The following NLGN3 variants were observed in gnomAD, a reference collection of about 807,000 sequenced individuals.
NLGN3 encodes the protein neuroligin 3.
NLGN3 carries 11 observed loss-of-function variants against 42.9 expected under a neutral mutation model. The observed-to-expected ratio is 0.26, with a 90% CI of 0.16 to 0.42. The LOEUF is 0.42. Ranked by LOEUF, NLGN3 falls within the 10% of genes least tolerant of loss-of-function variation. The pLI is 1.00. For missense variants in NLGN3, 374 were observed against 733.8 expected, an observed-to-expected ratio of 0.51 and a Z score of 5.67; for synonymous variants, 279 against 312.7, an observed-to-expected ratio of 0.89 and a Z score of 1.14.
Position 71,171,077 on chromosome X carries a change from GTT to G in NLGN3, c.*994_*995del, listed in dbSNP as rs767429618. 17 of 643,905 alleles carry G rather than the reference GTT, an allele frequency of 2.6e-5. No homozygotes were observed. The highest frequency in any genetic ancestry group is 1.6e-4 in the South Asian group (2 of 12,350). The allele number at this position is 643,905 out of a possible 1,213,427, so 53.1% of individuals were successfully genotyped here. A position where few individuals can be genotyped will look rare whatever the true frequency, so the allele number is the denominator to read the frequency against. On this transcript the variant is annotated 3_prime_UTR_variant, in exon 8 of 8. Transcript: ENST00000358741. Reference sequence around the variant, plus strand: ...AAGGCGGTGTTTTTTGTTGTTGTTGGTTTTTTTTTTTTTTTAAAGAAAAGTTC... The same window carrying G: ...AAGGCGGTGTTTTTTGTTGTTGTTGGTTTTTTTTTTTTTAAAGAAAAGTTC...
rs1189138453 is a variant in NLGN3 at position 71,154,686 on chromosome X, C to T, written c.578-528C>T. Reference sequence around the variant, plus strand: ...TTCACTCCCCTTTCCCACATCCTTCCTTGTTCTCTCCCTGTGCCACCCCTT... The same window carrying T: ...TTCACTCCCCTTTCCCACATCCTTCTTTGTTCTCTCCCTGTGCCACCCCTT... On this transcript the variant is annotated intron_variant, in intron 4 of 7. Coordinates refer to ENST00000358741, the MANE Select transcript of NLGN3 (RefSeq NM_181303.2). 2.1e-4 allele frequency among the ~76,000 whole-genome samples: 23 copies of T among 112,041 alleles called. No individual in the cohort carries two copies. The Admixed American group carries it at 2.1e-3, about 10-fold the overall frequency.
chrX:71,149,632 G>A (rs1285723696), intron 3 of NLGN3, among the ~76,000 whole-genome samples: 2 of 111,983 alleles, frequency 1.8e-5, no homozygotes, highest in South Asian at 3.7e-4. Flanking sequence ...CTCTGGAAGC[G>A]TCTAAGGCAG....
At position 71,148,112 on chromosome X, in the gene NLGN3, C is replaced by G; in HGVS notation, c.363C>G (p.Val121=). ...HTAVPEVMLP[V]WFTANLDIVA... ...CTGTGCCCGAAGTCATGCTGCCGGT[C>G]TGGTTCACTGCCAACTTGGATATCG... Residue 121 remains valine, a synonymous_variant, in exon 2 of 8, where the codon GTC becomes GTG. Coordinates refer to ENST00000358741, the MANE Select transcript of NLGN3 (RefSeq NM_181303.2). The G allele has an allele frequency of 3.3e-6, 4 of 1,210,867 alleles. No homozygotes were observed. The highest frequency in any genetic ancestry group is 4.5e-6 in the Non-Finnish European group (4 of 894,987).
chrX:71,171,190 T>C lies in NLGN3; in HGVS notation c.*1093T>C, dbSNP rs1857279033. 2.7e-6 allele frequency: 2 copies of C among 753,479 alleles called. No homozygotes were observed. The highest frequency in any genetic ancestry group is 3.1e-6 in the Non-Finnish European group (2 of 639,022). 62.1% of individuals were successfully genotyped at this position (753,479 alleles called of 1,213,427 possible). The stretch of plus-strand genomic sequence containing the variant: ...TTGATATAAAAATAAAAAATCCAGT[T>C]AGCACTCCCAACCTGCCTCCCTTGC... On this transcript the variant is annotated 3_prime_UTR_variant, in exon 8 of 8. Coordinates refer to ENST00000358741, the MANE Select transcript of NLGN3 (RefSeq NM_181303.2).
At chrX:71,156,360 A>G (rs1026657534) in intron 5 of NLGN3, among the ~76,000 whole-genome samples, 36 of 108,892 alleles carry the variant, frequency 3.3e-4, no homozygotes, top group African/African-American at 1.0e-3. Context: ...CCCTACACAC[A>G]TATACTCTTA....
At chrX:71,158,840 G>A (rs867553543) in intron 5 of NLGN3, among the ~76,000 whole-genome samples, 9 of 111,649 alleles carry the variant, frequency 8.1e-5, no homozygotes, top group African/African-American at 2.6e-4. Flanking sequence ...TGAGCATTCC[G>A]TATGATATCC....
chrX:71,170,835 G>A lies in NLGN3; in HGVS notation c.*738G>A. On this transcript the variant is annotated 3_prime_UTR_variant, in exon 8 of 8. Transcript: ENST00000358741. The stretch of plus-strand genomic sequence containing the variant: ...TCTCTCTGTGTCCGTGTGGAGGGCT[G>A]CAGAGCCTGCAGGGTGACCTGCTTC... 1.3e-6 allele frequency: 1 copy of A among 756,277 alleles called. No individual in the cohort carries two copies. The highest frequency in any genetic ancestry group is 1.6e-6 in the Non-Finnish European group (1 of 640,380). 62.3% of individuals were successfully genotyped at this position (756,277 alleles called of 1,213,427 possible).
At chrX:71,168,721 CA>C (rs60203125) in intron 7 of NLGN3, among the ~76,000 whole-genome samples, 61 of 17,405 alleles carry the variant, frequency 3.5e-3, no homozygotes, top group African/African-American at 8.8e-3. Context: ...GACTCTGTCT[CA>C]AAAAAAAAAA....
intron 5 of NLGN3, among the ~76,000 whole-genome samples, chrX:71,156,219 A>C (rs1602320085): frequency 2.0e-5 from 2 of 101,460 alleles, no homozygotes; most frequent in African/African-American, 7.3e-5. Context: ...CCTTCCACCC[A>C]CCCCCCACAA....
In NLGN3 at chrX:71,147,551, C is replaced by A; in HGVS notation, c.-199C>A. ...ACGCATACTTCCCTCTTTCCACAGG[C>A]CTGTCTGGCCCTGAGGGAGTCCCCT... On this transcript the variant is annotated splice_region_variant and 5_prime_UTR_variant, in exon 2 of 8. Transcript: ENST00000358741. The A allele has an allele frequency of 2.2e-6, 1 of 461,613 alleles. No homozygotes were observed. Among genetic ancestry groups the A allele is most frequent in the Non-Finnish European group, 3.8e-6 (1 of 260,830 alleles). 38.0% of individuals were successfully genotyped at this position (461,613 alleles called of 1,213,427 possible). A position where few individuals can be genotyped will look rare whatever the true frequency, so the allele number is the denominator to read the frequency against.
intron 4 of NLGN3, 96 bp from the exon 5 acceptor site, chrX:71,155,118 G>A (rs2092403996): frequency 9.8e-7 from 1 of 1,021,890 alleles, no homozygotes; most frequent in African/African-American, 1.9e-5. Flanking sequence ...CTGGCACCTG[G>A]GATAGCTTTG....
rs374882016 is a variant in NLGN3, at chrX:71,158,381, G to A, written c.727+3018G>A. 1.4e-4 allele frequency among the ~76,000 whole-genome samples: 16 copies of A among 112,223 alleles called. No individual in the cohort carries two copies. The South Asian group carries it at 5.8e-3, about 41-fold the overall frequency. On this transcript the variant is annotated intron_variant, in intron 5 of 7. Coordinates refer to ENST00000358741, the MANE Select transcript of NLGN3 (RefSeq NM_181303.2). ...ATTACAGGCGTGAGCCACCGCGCCC[G>A]GCTGGGCTGCACAGTTTCTAGAGAG...
chrX:71,148,016 A>C lies in NLGN3; in HGVS notation c.267A>C (p.Pro89=). 8.3e-7 allele frequency: 1 copy of C among 1,201,803 alleles called. No homozygotes were observed. Among genetic ancestry groups the C allele is most frequent in the African/African-American group, 1.8e-5 (1 of 55,340 alleles). The change falls in exon 2 of 8, where the codon CCA becomes CCC. Residue 89 remains proline (P), a synonymous_variant. Transcript: ENST00000358741. The part of the protein sequence containing the change: ...IGEKRFLPPE[P]PPSWSGIRNA... Reference sequence around the variant, plus strand: ...AGAAACGTTTCCTGCCCCCTGAACCACCCCCATCCTGGTCGGGCATCCGGA... The same window carrying C: ...AGAAACGTTTCCTGCCCCCTGAACCCCCCCCATCCTGGTCGGGCATCCGGA...
Position 71,155,321 on chromosome X carries a change from A to C in NLGN3, c.685A>C (p.Asn229His), listed in dbSNP as rs1354087827. Reference sequence around the variant, plus strand: ...TGGCAGCATCCTCGCCAGTTATGGCAATGTCATCGTCATCACCCTCAACTA... The same window carrying C: ...TGGCAGCATCCTCGCCAGTTATGGCCATGTCATCGTCATCACCCTCAACTA... ...IDGSILASYG[N>H]VIVITLNYRV... Residue 229 changes from asparagine to histidine, a missense_variant, in exon 5 of 8, where the codon AAT (asparagine) becomes CAT (histidine). Physicochemically the swap from Asn to His is moderately conservative, Grantham distance 68. Coordinates refer to ENST00000358741, the MANE Select transcript of NLGN3 (RefSeq NM_181303.2). 8.2e-7 allele frequency: 1 copy of C among 1,212,241 alleles called. No homozygotes were observed.
downstream of NLGN3, chrX:71,171,269 C>T (rs1019960291): frequency 2.5e-5 from 17 of 683,367 alleles, no homozygotes; most frequent in African/African-American, 3.1e-4. Flanking sequence ...GGCTGGGAAT[C>T]AGGCAATCAG....
downstream of NLGN3, among the ~76,000 whole-genome samples, chrX:71,173,538 A>C (rs1278509796): frequency 8.9e-6 from 1 of 112,709 alleles, no homozygotes; most frequent in Non-Finnish European, 1.9e-5. Flanking sequence ...TGCAAAAAGC[A>C]TTAGTGCCTA....
chrX:71,172,660 T>C (rs938166173), downstream of NLGN3, among the ~76,000 whole-genome samples: 2 of 95,706 alleles, frequency 2.1e-5, no homozygotes, highest in African/African-American at 1.0e-4. Context: ...GTGTGTGAGA[T>C]CTAGAAAGGA....
At chrX:71,168,018 C>T (rs1178469183) in intron 7 of NLGN3, among the ~76,000 whole-genome samples, 2 of 110,775 alleles carry the variant, frequency 1.8e-5, no homozygotes, top group African/African-American at 6.6e-5. Context: ...CAGTTAGCAT[C>T]GGGACTAGGA....
chrX:71,172,627 CGTGTGT>C (rs59876964), downstream of NLGN3, among the ~76,000 whole-genome samples: 33 of 100,523 alleles, frequency 3.3e-4, no homozygotes, highest in African/African-American at 9.6e-4. Flanking sequence ...TGTGTGCATG[CGTGTGT>C]GTGTGTGTGT....
Sources: gnomAD v4.1 joint callset for allele counts (sites outside exome capture counted in the v4.1 genomes callset) on GRCh38, gnomAD v4.1.1 for gene constraint, MANE v1.5 for transcripts, NCBI Gene and HGNC (gene_info 2026-07-23, HGNC 2026-07-21) for gene names.